Variants in PTPN21 observed in about 807,000 individuals in gnomAD.
PTPN21 encodes protein tyrosine phosphatase non-receptor type 21.
PTPN21 carries 77 observed loss-of-function variants against 131.8 expected under a neutral mutation model. The ratio of observed to expected loss-of-function variants is 0.58; its 90% CI spans 0.49 to 0.71. The LOEUF (loss-of-function observed/expected upper bound fraction) is 0.71, where lower values mean the gene tolerates loss of function less well. Among genes scored for constraint, PTPN21 ranks in the 30% least tolerant of loss-of-function variants. The pLI, the probability that PTPN21 is intolerant of heterozygous loss-of-function variation, is 0.00. For synonymous variants in PTPN21, 715 were observed against 621.3 expected (o/e 1.15, Z -2.24); for missense variants, 1,552 against 1,527.1 (o/e 1.02, Z -0.27).
intron 12 of PTPN21, 53 bp downstream of exon 12, chr14:88,485,023 G>A: frequency 6.9e-7 from 1 of 1,446,246 alleles, no homozygotes; most frequent in Non-Finnish European, 9.7e-7. Context: ...AGCATTCACA[G>A]ATTTATCCAT....
chr14:88,485,884 T>C (rs1459979300), intron 10 of PTPN21, 42 bp from the exon 11 acceptor site: 2 of 1,186,666 alleles, frequency 1.7e-6, no homozygotes, highest in Admixed American at 1.8e-5. Context: ...ATACACACTC[T>C]CTCTTAAATT....
intron 8 of PTPN21, among the ~76,000 whole-genome samples, chr14:88,498,904 GATTT>G (rs67719391): frequency 0.61 from 92,833 of 151,660 alleles, 32,089 homozygotes; most frequent in Non-Finnish European, 0.76. Context: ...TTCTCCATTA[GATTT>G]ATTTATTTTA....
At chr14:88,486,215 G>A (rs553195565) in intron 10 of PTPN21, among the ~76,000 whole-genome samples, 2 of 152,334 alleles carry the variant, frequency 1.3e-5, no homozygotes, top group East Asian at 3.9e-4. Context: ...GCTGGATTCA[G>A]TGCAAATGCA....
rs762908850 is a variant in PTPN21, at chr14:88,479,011, T to C, written c.2420A>G (p.Tyr807Cys). The C allele has an allele frequency of 6.9e-6, 11 of 1,603,514 alleles. No individual in the cohort carries two copies. In the Admixed American group the frequency reaches 8.5e-5, roughly 12 times the overall value. ...SESDLTTSGR[Y>C]RARRDSLKKR... is the part of the protein sequence containing the mutation. ...CTTCAGAGAGTCCCTCCGGGCTCGG[T>C]AGCGGCCTGACGTGGTGAGGTCGGA... is the stretch of plus-strand genomic sequence containing the variant. Residue 807 changes from tyrosine (Y) to cysteine (C), a missense_variant, in exon 13 of 19, where the codon TAC becomes TGC. Tyr to Cys is a radical substitution (Grantham distance 194). Coordinates refer to ENST00000556564, the MANE Select transcript of PTPN21 (RefSeq NM_007039.4).
At chr14:88,492,912 C>T (rs2077846186) in intron 10 of PTPN21, 1 of 352,952 alleles carries the variant, frequency 2.8e-6, no homozygotes, top group Non-Finnish European at 5.6e-6. Flanking sequence ...AGAGGAGACC[C>T]TGCCCTCATG....
intron 2 of PTPN21, among the ~76,000 whole-genome samples, chr14:88,550,027 G>A (rs547461882): frequency 4.6e-5 from 7 of 151,844 alleles, no homozygotes; most frequent in East Asian, 3.9e-4. Context: ...CTTGTGATTC[G>A]CCCGCCTCGG....
chr14:88,495,231 C>A (rs1394567860), intron 10 of PTPN21, among the ~76,000 whole-genome samples: 1 of 152,134 alleles, frequency 6.6e-6, no homozygotes, highest in African/African-American at 2.4e-5. Context: ...AGGTTTCATA[C>A]CACATCCAAT....
chr14:88,508,001 G>C lies in PTPN21; in HGVS notation c.370C>G (p.Leu124Val). 6.3e-7 allele frequency: 1 copy of C among 1,599,482 alleles called. No homozygotes were observed. Among genetic ancestry groups the C allele is most frequent in the South Asian group, 1.1e-5 (1 of 89,836 alleles). The change falls in exon 4 of 19, where the codon CTG (leucine) becomes GTG (valine). Residue 124 changes from leucine (L) to valine (V), a missense_variant. Transcript: ENST00000556564. ...CTTCCTTCCAAGATATCTTTCTTCA[G>C]TTGCAGATAATACTGATACCTATAA... is the stretch of plus-strand genomic sequence containing the variant. ...EITRYQYYLQ[L>V]KKDILEGSIP...
At chr14:88,531,529 C>A (rs1311486825) in intron 2 of PTPN21, among the ~76,000 whole-genome samples, 1 of 152,100 alleles carries the variant, frequency 6.6e-6, no homozygotes, top group Non-Finnish European at 1.5e-5. Context: ...TGCACTCCAG[C>A]CTGGACAACA....
At chr14:88,505,718 A>G (rs1041045563) in intron 4 of PTPN21, among the ~76,000 whole-genome samples, 1 of 152,364 alleles carries the variant, frequency 6.6e-6, no homozygotes, top group South Asian at 2.1e-4. Context: ...AATTGTCAAC[A>G]GTACTGATGA....
intron 1 of PTPN21, among the ~76,000 whole-genome samples, chr14:88,554,047 G>A (rs985019662): frequency 6.6e-6 from 1 of 152,170 alleles, no homozygotes; most frequent in Non-Finnish European, 1.5e-5. Context: ...TAAATAAACT[G>A]TCAGCAACTA....
intron 2 of PTPN21, among the ~76,000 whole-genome samples, chr14:88,522,134 T>G (rs1241557347): frequency 6.6e-6 from 1 of 151,960 alleles, no homozygotes; most frequent in Admixed American, 6.6e-5. Flanking sequence ...CTGAAAAGAA[T>G]GGTGGGCTTA....
At chr14:88,514,471 T>C (rs2078233948) in intron 3 of PTPN21, among the ~76,000 whole-genome samples, 1 of 148,870 alleles carries the variant, frequency 6.7e-6, no homozygotes, top group South Asian at 2.1e-4. Flanking sequence ...TCTTTTTTCT[T>C]TTTTTTTTTT....
At chr14:88,546,406 AAAAATAC>A (rs2078780689) in intron 2 of PTPN21, among the ~76,000 whole-genome samples, 2 of 150,806 alleles carry the variant, frequency 1.3e-5, no homozygotes, top group African/African-American at 2.4e-5. Context: ...TAAAAAAAAA[AAAAATAC>A]AAAAATACAA....
At chr14:88,507,827 A>G (rs2078115606) in intron 4 of PTPN21, 96 bp downstream of exon 4, 1 of 649,924 alleles carries the variant, frequency 1.5e-6, no homozygotes, top group South Asian at 2.6e-5. Flanking sequence ...ACTACTAAAG[A>G]TGTATATAGA....
chr14:88,525,217 GGCAACAGA>G (rs1346179130), intron 2 of PTPN21, among the ~76,000 whole-genome samples: 1 of 151,738 alleles, frequency 6.6e-6, no homozygotes, highest in Non-Finnish European at 1.5e-5. Context: ...CTTCAACCTG[GGCAACAGA>G]GCAAGACCCT....
At chr14:88,482,443 G>A (rs1340560006) in intron 12 of PTPN21, among the ~76,000 whole-genome samples, 2 of 152,070 alleles carry the variant, frequency 1.3e-5, no homozygotes, top group Admixed American at 6.6e-5. Flanking sequence ...TGACCAACAC[G>A]GAGAGACCCC....
intron 3 of PTPN21, 134 bp from the exon 4 acceptor site, chr14:88,508,154 T>TCG (rs1566832425): frequency 3.3e-5 from 16 of 484,776 alleles, no homozygotes; most frequent in African/African-American, 3.3e-4. Flanking sequence ...GTGTGTGTTT[T>TCG]TTTTTTTTTT....
In PTPN21 at chr14:88,480,360, A is replaced by T. The variant is rs2077635360; in HGVS notation, c.1079-8T>A. ...TGGGCACAAAGAGGTTATCTAGAAA[A>T]AATGAGTTCAAAATGAGATTTTTTT... On this transcript the variant is annotated splice_region_variant and splice_polypyrimidine_tract_variant and intron_variant, in intron 12 of 18. Transcript: ENST00000556564. 2.5e-6 allele frequency: 4 copies of T among 1,589,046 alleles called. No homozygotes were observed. The highest frequency in any genetic ancestry group is 8.6e-7 in the Non-Finnish European group (1 of 1,161,352).
Sources: allele counts gnomAD v4.1 joint callset (sites outside exome capture counted in the v4.1 genomes callset), GRCh38; gene constraint gnomAD v4.1.1; transcripts MANE v1.5; gene names NCBI Gene and HGNC (gene_info 2026-07-23, HGNC 2026-07-21).